The following CNTLN variants were observed in gnomAD, a reference collection of about 807,000 sequenced individuals.
The protein encoded by CNTLN is centlein.
A neutral mutation model predicts 180.0 loss-of-function variants in CNTLN; 212 were observed. That is an observed-to-expected ratio of 1.18 (90% CI 1.05 to 1.32). The LOEUF is 1.32. Ranked by LOEUF, CNTLN falls within the 40% of genes most tolerant of loss-of-function variation. The probability of loss-of-function intolerance (pLI) is 0.00; values close to 1 mark genes in which losing one functional copy is unlikely to be tolerated. For missense variants in CNTLN, 2,095 were observed against 1,610.9 expected, an observed-to-expected ratio of 1.30 and a Z score of -5.14; for synonymous variants, 722 against 563.1, an observed-to-expected ratio of 1.28 and a Z score of -3.99.
intron 25 of CNTLN, among the ~76,000 whole-genome samples, chr9:17,489,132 C>T (rs1219478341): frequency 1.3e-5 from 2 of 151,960 alleles, no homozygotes; most frequent in Non-Finnish European, 2.9e-5. Context: ...AAATAGAAAA[C>T]ACCTTTTTTT....
chr9:17,302,034 C>T (rs912219601), intron 7 of CNTLN: 2 of 984,718 alleles, frequency 2.0e-6, no homozygotes, highest in African/African-American at 1.8e-5. Flanking sequence ...ATAAACATTT[C>T]TTTGTCAGTT....
rs180866503 is a variant in CNTLN, at chr9:17,449,467, C to A, written c.3115-8057C>A. 2.0e-5 allele frequency among the ~76,000 whole-genome samples: 3 copies of A among 151,228 alleles called. No individual in the cohort carries two copies. The East Asian group carries it at 5.8e-4, about 29-fold the overall frequency. On this transcript the variant is annotated intron_variant, in intron 18 of 25. Coordinates refer to ENST00000380647, the MANE Select transcript of CNTLN (RefSeq NM_017738.4). ...ATATGTAACTAACCTGCACAATGTG[C>A]ACATGTACCCTAAAACTTAAAGTAT...
At chr9:17,341,616 A>G (rs889869384) in intron 11 of CNTLN, among the ~76,000 whole-genome samples, 19 of 152,196 alleles carry the variant, frequency 1.2e-4, no homozygotes, top group Non-Finnish European at 2.2e-4. Flanking sequence ...CTTTAGGGCA[A>G]TGTTGATGAT....
chr9:17,410,717 A>G (rs908008402), intron 16 of CNTLN, among the ~76,000 whole-genome samples: 4 of 151,766 alleles, frequency 2.6e-5, no homozygotes, highest in African/African-American at 9.7e-5. Context: ...TCTAGCATTG[A>G]TTTTTTCATG....
intron 8 of CNTLN, among the ~76,000 whole-genome samples, chr9:17,326,530 TA>T (rs1820302427): frequency 6.6e-6 from 1 of 152,092 alleles, no homozygotes; most frequent in Admixed American, 6.6e-5. Flanking sequence ...CTTATACATA[TA>T]ATAGTTATAT....
chr9:17,394,973 G>T lies in CNTLN; in HGVS notation c.2519G>T (p.Gly840Val). The change falls in exon 15 of 26, where the codon GGT becomes GTT. Residue 840 changes from glycine (G) to valine (V), a missense_variant. Gly to Val is a moderately radical substitution (Grantham distance 109). Transcript: ENST00000380647. Reference sequence around the variant, plus strand: ...GCTGCGAAGAAAAATTGCTCTGTGGGTCGTCACCACACTGTTCTCAATCAT... The same window carrying T: ...GCTGCGAAGAAAAATTGCTCTGTGGTTCGTCACCACACTGTTCTCAATCAT... ...FKAAKKNCSV[G>V]RHHTVLNHSI... 6.2e-7 allele frequency: 1 copy of T among 1,613,732 alleles called. No individual in the cohort carries two copies. The highest frequency in any genetic ancestry group is 1.1e-5 in the South Asian group (1 of 91,074).
chr9:17,374,626 G>T (rs1398149699), intron 13 of CNTLN, among the ~76,000 whole-genome samples: 1 of 152,172 alleles, frequency 6.6e-6, no homozygotes, highest in Non-Finnish European at 1.5e-5. Flanking sequence ...TTGGGAGGCT[G>T]AGGTGGGTGG....
At chr9:17,312,364 T>TATATAA (rs369729227) in intron 8 of CNTLN, among the ~76,000 whole-genome samples, 5 of 20,184 alleles carry the variant, frequency 2.5e-4, no homozygotes, top group Admixed American at 1.1e-3. Flanking sequence ...TATATATATA[T>TATATAA]TATATATATA....
intron 20 of CNTLN, among the ~76,000 whole-genome samples, chr9:17,463,740 T>C (rs1173231931): frequency 6.6e-6 from 1 of 151,656 alleles, no homozygotes; most frequent in Non-Finnish European, 1.5e-5. Flanking sequence ...GTCTTGCTTA[T>C]TGTTTAACAG....
rs1017202164 is a variant in CNTLN, at chr9:17,308,947, A to G, written c.1147-111A>G. 3 of 535,232 alleles carry G rather than the reference A, an allele frequency of 5.6e-6. No homozygotes were observed. In the African/African-American group the frequency reaches 6.1e-5, roughly 11 times the overall value. The allele number at this position is 535,232 out of a possible 1,614,324, so 33.2% of individuals were successfully genotyped here. ...AGACTATTAAAATAACCTGAGGGCA[A>G]GAACTGTGTTTATACAGTTCATATG... On this transcript the variant is annotated intron_variant, in intron 7 of 25. Coordinates refer to ENST00000380647, the MANE Select transcript of CNTLN (RefSeq NM_017738.4).
chr9:17,138,524 T>A lies in CNTLN; in HGVS notation c.360+3099T>A, dbSNP rs534075926. The stretch of plus-strand genomic sequence containing the variant: ...GTTAGAAATTTAGATGTGTTAAAAC[T>A]TCATTTATTCACAAAGAAAAACAAA... On this transcript the variant is annotated intron_variant, in intron 1 of 25. Transcript: ENST00000380647. Among the ~76,000 whole-genome samples the A allele has an allele frequency of 3.3e-5, 5 of 152,324 alleles. No individual in the cohort carries two copies. The East Asian group carries it at 9.6e-4, about 29-fold the overall frequency.
At chr9:17,172,010 G>T (rs967023346) in intron 2 of CNTLN, among the ~76,000 whole-genome samples, 2 of 152,124 alleles carry the variant, frequency 1.3e-5, no homozygotes, top group African/African-American at 2.4e-5. Context: ...AATGTTTGAG[G>T]CATGGATACT....
chr9:17,230,108 A>C (rs1470010925), intron 3 of CNTLN, among the ~76,000 whole-genome samples: 1 of 152,196 alleles, frequency 6.6e-6, no homozygotes, highest in Non-Finnish European at 1.5e-5. Context: ...AGACAATGGA[A>C]GTGACACACA....
intron 8 of CNTLN, among the ~76,000 whole-genome samples, chr9:17,323,453 C>T (rs1420635012): frequency 6.6e-6 from 1 of 152,166 alleles, no homozygotes; most frequent in Non-Finnish European, 1.5e-5. Context: ...GGGTCACGAG[C>T]TTCAGGGAGT....
intron 12 of CNTLN, among the ~76,000 whole-genome samples, chr9:17,353,902 A>C (rs1160573696): frequency 1.3e-5 from 2 of 152,120 alleles, no homozygotes; most frequent in East Asian, 3.9e-4. Context: ...CCAAGGCTGG[A>C]GCCCACTCCC....
chr9:17,248,667 A>G (rs1473147475), intron 5 of CNTLN, among the ~76,000 whole-genome samples: 1 of 145,986 alleles, frequency 6.8e-6, no homozygotes, highest in Non-Finnish European at 1.5e-5. Flanking sequence ...ATGCTGTTTT[A>G]TGTATATAGA....
intron 18 of CNTLN, among the ~76,000 whole-genome samples, chr9:17,426,422 A>G (rs779283486): frequency 3.9e-5 from 6 of 152,196 alleles, no homozygotes; most frequent in Non-Finnish European, 7.3e-5. Context: ...AATATCCATT[A>G]ATCTAAAACT....
At chr9:17,517,841 T>C in the CNTLN span, among the ~76,000 whole-genome samples, 2 of 151,854 alleles carry the variant, frequency 1.3e-5, no homozygotes, top group African/African-American at 4.8e-5. Context: ...ATACAAAGGG[T>C]GGGGAGAACT....
downstream of CNTLN, among the ~76,000 whole-genome samples, chr9:17,504,301 C>A (rs1292816454): frequency 6.6e-6 from 1 of 152,070 alleles, no homozygotes; most frequent in African/African-American, 2.4e-5. Flanking sequence ...GCATTCATCA[C>A]AATATTCCCA....
Sources: allele counts gnomAD v4.1 joint callset (sites outside exome capture counted in the v4.1 genomes callset), GRCh38; gene constraint gnomAD v4.1.1; transcripts MANE v1.5; gene names NCBI Gene and HGNC (gene_info 2026-07-23, HGNC 2026-07-21).